The following DOCK7 variants were observed in gnomAD, a reference collection of about 807,000 sequenced individuals.
DOCK7 encodes dedicator of cytokinesis 7, also known as dedicator of cytokinesis protein 7.
DOCK7 carries 138 observed loss-of-function variants against 271.0 expected under a neutral mutation model. That is an observed-to-expected ratio of 0.51 (90% CI 0.44 to 0.59). DOCK7 has a LOEUF of 0.59. Ranked by LOEUF, DOCK7 falls within the 20% of genes least tolerant of loss-of-function variation. DOCK7 has a pLI of 0.00. For missense variants in DOCK7, 2,066 were observed against 2,592.4 expected, an observed-to-expected ratio of 0.80 and a Z score of 4.41; for synonymous variants, 823 against 876.1, an observed-to-expected ratio of 0.94 and a Z score of 1.07.
chr1:62,547,994 A>C (rs1645765418), intron 22 of DOCK7, among the ~76,000 whole-genome samples: 1 of 152,188 alleles, frequency 6.6e-6, no homozygotes, highest in Non-Finnish European at 1.5e-5. Flanking sequence ...CTGTTCTTAA[A>C]CAAGTGATCT....
At chr1:62,488,892 GT>G (rs1231671739) in intron 42 of DOCK7, 41 bp downstream of exon 42, 1 of 1,611,804 alleles carries the variant, frequency 6.2e-7, no homozygotes, top group Admixed American at 1.7e-5. Flanking sequence ...CTTTCAGACA[GT>G]TTTTTCCCTT....
At chr1:62,602,925 A>T (rs1650365553) in intron 14 of DOCK7, among the ~76,000 whole-genome samples, 2 of 151,798 alleles carry the variant, frequency 1.3e-5, no homozygotes, top group Non-Finnish European at 3.0e-5. Flanking sequence ...TAGTAAAATA[A>T]GCAAGATAAA....
At chr1:62,680,326 G>C (rs1210257708) in intron 1 of DOCK7, among the ~76,000 whole-genome samples, 2 of 152,116 alleles carry the variant, frequency 1.3e-5, no homozygotes, top group African/African-American at 2.4e-5. Context: ...GGGAAACCTG[G>C]CTAGCCATAT....
intron 33 of DOCK7, among the ~76,000 whole-genome samples, chr1:62,512,506 A>G (rs1419514551): frequency 1.3e-5 from 2 of 152,214 alleles, no homozygotes; most frequent in African/African-American, 2.4e-5. Flanking sequence ...ACCTGGGATT[A>G]GAAAACCAGT....
chr1:62,575,950 C>A (rs1350592426), intron 18 of DOCK7, among the ~76,000 whole-genome samples: 3 of 152,120 alleles, frequency 2.0e-5, no homozygotes, highest in Non-Finnish European at 4.4e-5. Flanking sequence ...GACAAATGGC[C>A]ACCTTTCTAT....
At chr1:62,480,871 C>T (rs1646101345) in intron 43 of DOCK7, among the ~76,000 whole-genome samples, 1 of 151,992 alleles carries the variant, frequency 6.6e-6, no homozygotes, top group African/African-American at 2.4e-5. Context: ...AAGCCTGGCG[C>T]CGTGGCGGGT....
At chr1:62,612,722 T>G (rs1651947319) in intron 14 of DOCK7, among the ~76,000 whole-genome samples, 1 of 152,202 alleles carries the variant, frequency 6.6e-6, no homozygotes, top group Non-Finnish European at 1.5e-5. Context: ...TGTATGGGCA[T>G]ATTCCTAACA....
intron 2 of DOCK7, among the ~76,000 whole-genome samples, chr1:62,655,664 C>G (rs150026233): frequency 1.3e-5 from 2 of 152,246 alleles, no homozygotes; most frequent in South Asian, 4.1e-4. Context: ...TGAGCTCAAG[C>G]AATCCGCCTG....
At chr1:62,571,129 TG>T (rs1047724825) in intron 18 of DOCK7, among the ~76,000 whole-genome samples, 4 of 151,998 alleles carry the variant, frequency 2.6e-5, no homozygotes, top group African/African-American at 7.3e-5. Flanking sequence ...ACCTACACGA[TG>T]GGAGAGAAAT....
chr1:62,600,160 C>A (rs1342788090), intron 14 of DOCK7, among the ~76,000 whole-genome samples: 2 of 151,576 alleles, frequency 1.3e-5, no homozygotes, highest in African/African-American at 4.8e-5. Flanking sequence ...TGAACCTGCT[C>A]CCCAAAGCAA....
At chr1:62,685,614 C>T (rs1439100235) in intron 1 of DOCK7, among the ~76,000 whole-genome samples, 2 of 152,068 alleles carry the variant, frequency 1.3e-5, no homozygotes, top group African/African-American at 4.8e-5. Flanking sequence ...CTCTTCTGCA[C>T]CTTCAACCTG....
chr1:62,679,690 A>T (rs1209193219), intron 1 of DOCK7, among the ~76,000 whole-genome samples: 2 of 152,230 alleles, frequency 1.3e-5, no homozygotes, highest in African/African-American at 4.8e-5. Context: ...GTGAGACTGT[A>T]AATTTCTACA....
At chr1:62,602,196 C>A in intron 14 of DOCK7, 1 of 1,051,256 alleles carries the variant, frequency 9.5e-7, no homozygotes, top group African/African-American at 1.6e-5. Context: ...TACAAAACCA[C>A]CAATTAAAAT....
At chr1:62,587,217 C>A (rs548828471) in intron 14 of DOCK7, among the ~76,000 whole-genome samples, 1 of 146,926 alleles carries the variant, frequency 6.8e-6, no homozygotes, top group East Asian at 2.1e-4. Context: ...TCCAGCTCAT[C>A]ATCTCTATCA....
chr1:62,544,919 A>AT, intron 23 of DOCK7, 28 bp downstream of exon 23: 6 of 1,515,050 alleles, frequency 4.0e-6, no homozygotes, highest in Non-Finnish European at 5.4e-6. Flanking sequence ...TCAGCAGCCA[A>AT]TAAAGAAACC....
chr1:62,647,660 A>G (rs1265264588), intron 7 of DOCK7, 31 bp downstream of exon 7: 3 of 1,476,960 alleles, frequency 2.0e-6, no homozygotes, highest in Non-Finnish European at 2.8e-6. Context: ...CTGGAAAATA[A>G]AAGTTGTAAG....
chr1:62,572,006 CAT>C (rs1295717215), intron 18 of DOCK7, among the ~76,000 whole-genome samples: 1 of 152,190 alleles, frequency 6.6e-6, no homozygotes, highest in Non-Finnish European at 1.5e-5. Context: ...CACCATGGCA[CAT>C]GTTTACCTAT....
At chr1:62,596,422 C>T (rs913061159) in intron 14 of DOCK7, among the ~76,000 whole-genome samples, 3 of 152,112 alleles carry the variant, frequency 2.0e-5, no homozygotes, top group Admixed American at 6.6e-5. Context: ...TTAATATGAA[C>T]ACTCAATAAG....
chr1:62,538,069 G>A lies in DOCK7; in HGVS notation c.3301-8C>T. 1 of 1,611,522 alleles carries A rather than the reference G, an allele frequency of 6.2e-7. No homozygotes were observed. The highest frequency in any genetic ancestry group is 1.1e-5 in the South Asian group (1 of 90,658). ...GTAAAGCTTTGAAGACACCTTGTAA[G>A]CAATGCATAAGTAAGAGAACACCAA... On this transcript the variant is annotated splice_region_variant and splice_polypyrimidine_tract_variant and intron_variant, in intron 27 of 49. Coordinates refer to ENST00000635253, the MANE Select transcript of DOCK7 (RefSeq NM_001367561.1).
Sources: gnomAD v4.1 joint callset for allele counts (sites outside exome capture counted in the v4.1 genomes callset) on GRCh38, gnomAD v4.1.1 for gene constraint, MANE v1.5 for transcripts, NCBI Gene and HGNC (gene_info 2026-07-23, HGNC 2026-07-21) for gene names.